Variants in CHD6 observed in about 807,000 individuals in gnomAD.
CHD6 encodes the protein chromodomain helicase DNA binding protein 6, also known as ATP-dependent chromatin remodeler CHD6.
A neutral mutation model predicts 276.9 loss-of-function variants in CHD6; 50 were observed. That is an observed-to-expected ratio of 0.18 (90% CI 0.14 to 0.23). The LOEUF (loss-of-function observed/expected upper bound fraction) is 0.23, where lower values mean the gene tolerates loss of function less well. CHD6 is among the 10% of genes least tolerant of loss of function. The probability of loss-of-function intolerance (pLI) is 1.00; values close to 1 mark genes in which losing one functional copy is unlikely to be tolerated. For missense variants in CHD6, 2,564 were observed against 3,365.8 expected, an observed-to-expected ratio of 0.76 and a Z score of 5.89; for synonymous variants, 1,173 against 1,229.3, an observed-to-expected ratio of 0.95 and a Z score of 0.96.
chr20:41,578,629 G>A (rs758401340), intron 1 of CHD6, among the ~76,000 whole-genome samples: 88 of 145,972 alleles, frequency 6.0e-4, no homozygotes, highest in Middle Eastern at 3.5e-3. Context: ...GCAGTGAGCC[G>A]AGATCGCACC....
At chr20:41,441,326 C>G (rs1003701494) in intron 25 of CHD6, among the ~76,000 whole-genome samples, 2 of 152,190 alleles carry the variant, frequency 1.3e-5, no homozygotes, top group African/African-American at 4.8e-5. Flanking sequence ...ATTCTTTTCT[C>G]TTCCAATCAC....
At chr20:41,445,546 G>C in intron 25 of CHD6, 119 bp downstream of exon 25, 1 of 630,722 alleles carries the variant, frequency 1.6e-6, no homozygotes, top group Non-Finnish European at 2.9e-6. Flanking sequence ...TTTTTAAGAT[G>C]AATGTGTAAC....
At chr20:41,468,846 C>G (rs1410663562) in intron 17 of CHD6, among the ~76,000 whole-genome samples, 1 of 151,882 alleles carries the variant, frequency 6.6e-6, no homozygotes, top group Non-Finnish European at 1.5e-5. Context: ...GAAACCTCTT[C>G]TCTACAAAAA....
Position 41,413,426 on chromosome 20 carries a change from C to G in CHD6, c.7029G>C (p.Thr2343=). The G allele has an allele frequency of 6.2e-7, 1 of 1,611,982 alleles. No individual in the cohort carries two copies. The highest frequency in any genetic ancestry group is 8.5e-7 in the Non-Finnish European group (1 of 1,179,900). ...GPATSAPEPA[T]AASSQAEKSI... is the part of the protein sequence containing the mutation. ...ATTTCTCGGCTTGGCTGCTGGCTGC[C>G]GTAGCTGGCTCAGGAGCCGAGGTGG... Residue 2343 remains threonine (T), a synonymous_variant, in exon 35 of 37, where the codon ACG becomes ACC. Transcript: ENST00000373233.
At chr20:41,522,979 A>AAATG (rs375798357) in intron 3 of CHD6, among the ~76,000 whole-genome samples, 257 of 152,256 alleles carry the variant, frequency 1.7e-3, no homozygotes, top group African/African-American at 5.9e-3. Flanking sequence ...GTGGGTAGGA[A>AAATG]AATGAATCTT....
At position 41,417,201 on chromosome 20, in the gene CHD6, T is replaced by G; in HGVS notation, c.6276A>C (p.Pro2092=). The G allele has an allele frequency of 6.2e-7, 1 of 1,612,680 alleles. No homozygotes were observed. Among genetic ancestry groups the G allele is most frequent in the Non-Finnish European group, 8.5e-7 (1 of 1,179,482 alleles). The part of the protein sequence containing the change: ...EKTLYSFSEW[P]KDRVIINRLD... ...GGAAACGCAAGCTCTGGGGTACCTT[T>G]GGCCACTCAGAGAAGGAATAGAGAG... Residue 2092 remains proline (P), a synonymous_variant, in exon 32 of 37, where the codon CCA becomes CCC. Transcript: ENST00000373233.
rs181134967 is a variant in CHD6, at chr20:41,490,931, C to T, written c.1436+767G>A. Among the ~76,000 whole-genome samples, 113 of 152,020 alleles carry T rather than the reference C, an allele frequency of 7.4e-4. 1 individual carries two copies. The highest frequency in any genetic ancestry group is 2.6e-3 in the African/African-American group (106 of 41,476). ...CAAACCTGCATATCTGGCACATGTACCCTAGAACTAAAAAATAAACATTAA... is the reference window on the plus strand; with the variant it reads ...CAAACCTGCATATCTGGCACATGTATCCTAGAACTAAAAAATAAACATTAA... On this transcript the variant is annotated intron_variant, in intron 11 of 36. Transcript: ENST00000373233.
chr20:41,526,148 T>TA (rs1382825235), intron 3 of CHD6, among the ~76,000 whole-genome samples: 108 of 144,548 alleles, frequency 7.5e-4, no homozygotes, highest in Middle Eastern at 3.6e-3. Context: ...CTGATGCTCT[T>TA]AAAAAAAAAA....
chr20:41,495,877 G>A (rs1291555131), intron 8 of CHD6, among the ~76,000 whole-genome samples: 2 of 152,234 alleles, frequency 1.3e-5, no homozygotes, highest in African/African-American at 2.4e-5. Context: ...GAGTTTGAAA[G>A]AGCTTATGCC....
At chr20:41,437,445 GAC>G in intron 26 of CHD6, 111 bp from the exon 27 acceptor site, 1 of 651,376 alleles carries the variant, frequency 1.5e-6, no homozygotes, top group Middle Eastern at 2.5e-4. Context: ...TTGGGGGAGA[GAC>G]AGGGCGAGAG....
intron 16 of CHD6, 90 bp downstream of exon 16, chr20:41,483,219 G>C: frequency 8.2e-7 from 1 of 1,217,204 alleles, no homozygotes; most frequent in Non-Finnish European, 1.1e-6. Flanking sequence ...AATGTTTTGT[G>C]TTTAAACAAA....
At chr20:41,463,125 C>T (rs1157314468) in intron 17 of CHD6, among the ~76,000 whole-genome samples, 1 of 152,072 alleles carries the variant, frequency 6.6e-6, no homozygotes, top group Admixed American at 6.5e-5. Context: ...ATGAACAGAA[C>T]ATCGAAATAA....
chr20:41,555,595 G>A (rs1406364254), intron 1 of CHD6, among the ~76,000 whole-genome samples: 1 of 151,264 alleles, frequency 6.6e-6, no homozygotes, highest in Non-Finnish European at 1.5e-5. Flanking sequence ...GGGCAGAGAC[G>A]CTCCTCACCT....
intron 1 of CHD6, among the ~76,000 whole-genome samples, chr20:41,601,042 C>T (rs1457206998): frequency 1.3e-5 from 2 of 152,178 alleles, no homozygotes. Flanking sequence ...AAACCTCTGC[C>T]CACCTTTCCA....
At chr20:41,578,232 A>G (rs1373832819) in intron 1 of CHD6, among the ~76,000 whole-genome samples, 2 of 152,194 alleles carry the variant, frequency 1.3e-5, no homozygotes, top group Admixed American at 6.5e-5. Context: ...AAAATCTGTT[A>G]CCATAAAACT....
At chr20:41,554,235 T>C (rs919569429) in intron 1 of CHD6, among the ~76,000 whole-genome samples, 19 of 152,178 alleles carry the variant, frequency 1.2e-4, no homozygotes, top group African/African-American at 4.3e-4. Flanking sequence ...GATACAATTA[T>C]GATGCAGCAG....
At chr20:41,471,734 A>C (rs997300484) in intron 17 of CHD6, among the ~76,000 whole-genome samples, 7 of 151,778 alleles carry the variant, frequency 4.6e-5, no homozygotes, top group African/African-American at 1.7e-4. Context: ...ACGGGGTTTC[A>C]CTGTGTTAGT....
chr20:41,487,910 C>A, intron 13 of CHD6, 102 bp from the exon 14 acceptor site: 1 of 1,134,616 alleles, frequency 8.8e-7, no homozygotes, highest in Non-Finnish European at 1.3e-6. Flanking sequence ...CAATTTGGGG[C>A]AATTCTGATC....
At chr20:41,412,056 C>A in intron 36 of CHD6, 88 bp downstream of exon 36, 3 of 1,547,384 alleles carry the variant, frequency 1.9e-6, no homozygotes, top group Non-Finnish European at 2.6e-6. Context: ...GAACCCCTTC[C>A]CAGCTGGGGC....
Sources: allele counts gnomAD v4.1 joint callset (sites outside exome capture counted in the v4.1 genomes callset), GRCh38; gene constraint gnomAD v4.1.1; transcripts MANE v1.5; gene names NCBI Gene and HGNC (gene_info 2026-07-23, HGNC 2026-07-21).